The following COMMD1 variants were observed in gnomAD, a reference collection of about 807,000 sequenced individuals.
COMMD1 encodes the protein copper metabolism domain containing 1.
A neutral mutation model predicts 17.2 loss-of-function variants in COMMD1; 10 were observed. The ratio of observed to expected loss-of-function variants is 0.58; its 90% CI spans 0.36 to 0.99. The LOEUF is 0.99. COMMD1 is among the 50% of genes least tolerant of loss of function. The pLI, the probability that COMMD1 is intolerant of heterozygous loss-of-function variation, is 0.01. For missense variants in COMMD1, 270 were observed against 231.8 expected, an observed-to-expected ratio of 1.17 and a Z score of -1.07; for synonymous variants, 97 against 91.6, an observed-to-expected ratio of 1.06 and a Z score of -0.34.
At chr2:61,901,612 C>T (rs952788910), upstream of COMMD1, among the ~76,000 whole-genome samples, 6 of 151,992 alleles carry the variant, frequency 3.9e-5, no homozygotes, top group East Asian at 1.9e-4. Flanking sequence ...AACAGAGTGA[C>T]ACTCTGTCCC....
At chr2:62,051,953 T>C (rs1670548166) in intron 2 of COMMD1, among the ~76,000 whole-genome samples, 1 of 152,210 alleles carries the variant, frequency 6.6e-6, no homozygotes, top group Admixed American at 6.5e-5. Context: ...CATGCCACAT[T>C]ATATTGGAAG....
intron 1 of COMMD1, among the ~76,000 whole-genome samples, chr2:61,917,621 T>G (rs1370864697): frequency 6.6e-6 from 1 of 152,046 alleles, no homozygotes; most frequent in African/African-American, 2.4e-5. Flanking sequence ...TCTGCCTCCC[T>G]GGTTCACGCT....
At chr2:62,094,416 C>T (rs1671940976) in intron 2 of COMMD1, among the ~76,000 whole-genome samples, 2 of 152,100 alleles carry the variant, frequency 1.3e-5, no homozygotes, top group African/African-American at 4.8e-5. Context: ...GAGGGTGCCC[C>T]CCTTGCAACT....
At chr2:61,900,919 A>G (rs1669642668), upstream of COMMD1, among the ~76,000 whole-genome samples, 1 of 152,174 alleles carries the variant, frequency 6.6e-6, no homozygotes, top group South Asian at 2.1e-4. Flanking sequence ...GTGGACATGG[A>G]AAATAAAAAT....
intron 1 of COMMD1, among the ~76,000 whole-genome samples, chr2:61,950,609 C>T (rs964268986): frequency 2.0e-5 from 3 of 152,192 alleles, no homozygotes; most frequent in Non-Finnish European, 2.9e-5. Flanking sequence ...CACTTTATGG[C>T]TTCTCTTTGG....
chr2:61,888,789 G>C, exon 1 of COMMD1: 1 of 488,474 alleles, frequency 2.0e-6, no homozygotes, highest in South Asian at 2.7e-5. Context: ...GAAGAGCGCC[G>C]GGGGAACCTT....
intron 1 of COMMD1, among the ~76,000 whole-genome samples, chr2:61,976,212 GA>G (rs968875468): frequency 1.4e-4 from 19 of 134,628 alleles, no homozygotes; most frequent in African/African-American, 2.4e-4. Context: ...AAAAAAAAAA[GA>G]AAAAAATACA....
At chr2:62,043,494 A>G (rs2103901719) in intron 2 of COMMD1, among the ~76,000 whole-genome samples, 1 of 152,234 alleles carries the variant, frequency 6.6e-6, no homozygotes, top group South Asian at 2.1e-4. Context: ...TTTTTGCATC[A>G]CAGGTGCTTA....
chr2:62,029,752 G>T (rs937050219), intron 2 of COMMD1, among the ~76,000 whole-genome samples: 4 of 152,190 alleles, frequency 2.6e-5, no homozygotes, highest in African/African-American at 9.7e-5. Context: ...CCTAGAAAAG[G>T]TTCTCTCAAC....
chr2:62,028,158 C>G (rs1448452503), intron 2 of COMMD1, among the ~76,000 whole-genome samples: 1 of 152,156 alleles, frequency 6.6e-6, no homozygotes, highest in East Asian at 1.9e-4. Flanking sequence ...TGCTACCCAG[C>G]TGACTTCAGT....
chr2:61,920,309 G>A (rs1670156271), intron 1 of COMMD1, among the ~76,000 whole-genome samples: 1 of 151,950 alleles, frequency 6.6e-6, no homozygotes, highest in Admixed American at 6.6e-5. Flanking sequence ...AATGAAGTTG[G>A]ATACTATGCT....
chr2:61,918,062 A>G (rs940366309), intron 1 of COMMD1, among the ~76,000 whole-genome samples: 3 of 152,234 alleles, frequency 2.0e-5, no homozygotes, highest in African/African-American at 4.8e-5. Context: ...TGGCTTGCCA[A>G]TGCACTGATA....
intron 1 of COMMD1, among the ~76,000 whole-genome samples, chr2:61,926,734 T>C (rs1670338144): frequency 1.3e-5 from 2 of 152,200 alleles, no homozygotes; most frequent in Admixed American, 1.3e-4. Flanking sequence ...TTTCTGAGGC[T>C]AATTGGAGCT....
At chr2:62,085,932 C>G (rs1020306058) in intron 2 of COMMD1, among the ~76,000 whole-genome samples, 4 of 151,848 alleles carry the variant, frequency 2.6e-5, no homozygotes, top group Admixed American at 6.6e-5. Context: ...GAGCCCAGAT[C>G]GTGCCACTGC....
intron 2 of COMMD1, among the ~76,000 whole-genome samples, chr2:62,051,149 T>G (rs1275520192): frequency 6.6e-6 from 1 of 152,074 alleles, no homozygotes; most frequent in African/African-American, 2.4e-5. Context: ...TTACCTATAT[T>G]TTATTTAATT....
intron 2 of COMMD1, among the ~76,000 whole-genome samples, chr2:62,073,481 A>G (rs973652105): frequency 1.6e-4 from 25 of 152,228 alleles, no homozygotes; most frequent in African/African-American, 5.5e-4. Flanking sequence ...CTAATTGGCA[A>G]CTAAAGAATT....
At chr2:61,967,488 C>T (rs1041010652) in intron 1 of COMMD1, among the ~76,000 whole-genome samples, 1 of 152,108 alleles carries the variant, frequency 6.6e-6, no homozygotes, top group African/African-American at 2.4e-5. Context: ...TCAGGAAAGC[C>T]AAGGATGTTG....
intron 1 of COMMD1, among the ~76,000 whole-genome samples, chr2:61,955,323 T>G (rs1181809268): frequency 6.6e-6 from 1 of 151,562 alleles, no homozygotes; most frequent in East Asian, 1.9e-4. Context: ...TCTCTCTCTC[T>G]CTCTCTCTCT....
At chr2:62,020,817 T>C (rs1669592062) in intron 2 of COMMD1, among the ~76,000 whole-genome samples, 1 of 152,076 alleles carries the variant, frequency 6.6e-6, no homozygotes, top group Non-Finnish European at 1.5e-5. Context: ...CTGACCAACA[T>C]GGAGAAACCC....
Sources: gnomAD v4.1 joint callset for allele counts (sites outside exome capture counted in the v4.1 genomes callset) on GRCh38, gnomAD v4.1.1 for gene constraint, MANE v1.5 for transcripts, NCBI Gene and HGNC (gene_info 2026-07-23, HGNC 2026-07-21) for gene names.